UGT2B7: variants seen among roughly 807,000 people sequenced by gnomAD.
The protein encoded by UGT2B7 is UDP glucuronosyltransferase family 2 member B7.
A neutral mutation model predicts 51.9 loss-of-function variants in UGT2B7; 51 were observed. The observed-to-expected ratio is 0.98, with a 90% CI of 0.78 to 1.24. The LOEUF (loss-of-function observed/expected upper bound fraction) is 1.24, where lower values mean the gene tolerates loss of function less well. Among genes scored for constraint, UGT2B7 ranks in the 50% most tolerant of loss-of-function variants. The pLI, the probability that UGT2B7 is intolerant of heterozygous loss-of-function variation, is 0.00. For synonymous variants in UGT2B7, 225 were observed against 211.6 expected (o/e 1.06, Z -0.55); for missense variants, 727 against 628.4 (o/e 1.16, Z -1.68).
chr4:69,070,050 A>G (rs545800316), intron 1 of UGT2B7, among the ~76,000 whole-genome samples: 1 of 151,970 alleles, frequency 6.6e-6, no homozygotes, highest in South Asian at 2.1e-4. Flanking sequence ...ACATTATGTA[A>G]GGTACAATTT....
In UGT2B7 at chr4:69,112,883, A is replaced by C. The variant is rs554240518; in HGVS notation, c.*147A>C. ...AATCTTTTCAAAATTTACTTTGTCA[A>C]ATAAAAATTTGTTTTTCAGAGATTT... On this transcript the variant is annotated 3_prime_UTR_variant, in exon 6 of 6. Transcript: ENST00000305231. The C allele has an allele frequency of 7.7e-7, 1 of 1,301,602 alleles. No homozygotes were observed. The highest frequency in any genetic ancestry group is 1.5e-5 in the African/African-American group (1 of 65,850). The allele number at this position is 1,301,602 out of a possible 1,614,324, so 80.6% of individuals were successfully genotyped here.
intron 5 of UGT2B7, 41 bp downstream of exon 5, chr4:69,108,363 T>G (rs114113997): frequency 3.1e-6 from 5 of 1,601,934 alleles, no homozygotes; most frequent in Admixed American, 3.3e-5. Context: ...TATTTACAGA[T>G]AGCTTCTCTT....
chr4:69,052,569 CAAAAAAA>C (rs1204317464), intron 1 of UGT2B7, among the ~76,000 whole-genome samples: 2 of 64,712 alleles, frequency 3.1e-5, no homozygotes, highest in African/African-American at 6.2e-5. Flanking sequence ...TGGTTATCTT[CAAAAAAA>C]AAAAAAAAAA....
Position 69,102,827 on chromosome 4 carries a change from G to A in UGT2B7, c.891G>A (p.Gln297=), listed in dbSNP as rs1486178827. The A allele has an allele frequency of 6.2e-6, 10 of 1,613,128 alleles. No homozygotes were observed. ...CACAGGAAATGGAAGACTTTGTACA[G>A]AGCTCTGGAGAAAATGGTGTTGTGG... ...PLPKEMEDFV[Q]SSGENGVVVF... The change falls in exon 3 of 6, where the codon CAG becomes CAA. Residue 297 remains glutamine, a synonymous_variant. Coordinates refer to ENST00000305231, the MANE Select transcript of UGT2B7 (RefSeq NM_001074.4).
intron 2 of UGT2B7, among the ~76,000 whole-genome samples, chr4:69,090,155 T>C (rs1346419666): frequency 2.6e-5 from 4 of 152,330 alleles, no homozygotes; most frequent in Admixed American, 2.6e-4. Context: ...AGTAGTCAGT[T>C]AATTTTAACT....
At position 69,111,665 on chromosome 4, in the gene UGT2B7, A is replaced by G. The variant is rs1353270877; in HGVS notation, c.1311-792A>G. On this transcript the variant is annotated intron_variant, in intron 5 of 5. Transcript: ENST00000305231. ...ATTTCATATTGTATCAAAACATCTC[A>G]TATACCCCATAAATATATACACTTA... is the stretch of plus-strand genomic sequence containing the variant. Among the ~76,000 whole-genome samples the G allele has an allele frequency of 2.0e-5, 3 of 152,210 alleles. 1 individual carries two copies. In the South Asian group the frequency reaches 6.2e-4, roughly 32 times the overall value.
At chr4:69,089,675 T>G (rs1419486630) in intron 2 of UGT2B7, 2 of 152,240 alleles carry the variant, frequency 1.3e-5, no homozygotes, top group Non-Finnish European at 2.9e-5. Flanking sequence ...CATTTGGAAC[T>G]TGAATCTCAT....
intron 5 of UGT2B7, among the ~76,000 whole-genome samples, chr4:69,109,840 T>G (rs1240635598): frequency 6.6e-6 from 1 of 152,046 alleles, no homozygotes; most frequent in Non-Finnish European, 1.5e-5. Flanking sequence ...TAATGTTTTT[T>G]TATATAAGCA....
intron 1 of UGT2B7, among the ~76,000 whole-genome samples, chr4:69,064,052 G>GAA (rs1560499622): frequency 1.1e-5 from 1 of 93,352 alleles, no homozygotes; most frequent in East Asian, 3.1e-4. Context: ...AAGAAAGAAA[G>GAA]AAAGAAAGAA....
At chr4:69,093,164 C>T (rs774026095), upstream of UGT2B7, among the ~76,000 whole-genome samples, 10 of 152,134 alleles carry the variant, frequency 6.6e-5, no homozygotes, top group Non-Finnish European at 1.3e-4. Context: ...TGACTGGAGT[C>T]CCCTGTTGGG....
At chr4:69,060,337 C>A (rs781224277) in intron 1 of UGT2B7, among the ~76,000 whole-genome samples, 2 of 152,198 alleles carry the variant, frequency 1.3e-5, no homozygotes, top group Non-Finnish European at 2.9e-5. Flanking sequence ...ACTCCAACCA[C>A]CCGGTGACAA....
chr4:69,096,969 C>T lies in UGT2B7; in HGVS notation c.449C>T (p.Ala150Val), dbSNP rs1265300416. ...GAGTCAAGATTTGACGTCATTTTTG[C>T]AGATGCTATTTTTCCCTGTAGTGAG... is the stretch of plus-strand genomic sequence containing the variant. ...VQESRFDVIFADAIFPCSELL... is the reference protein window; with the variant it reads ...VQESRFDVIFVDAIFPCSELL... Residue 150 changes from alanine to valine, a missense_variant, in exon 1 of 6, where the codon GCA becomes GTA. Coordinates refer to ENST00000305231, the MANE Select transcript of UGT2B7 (RefSeq NM_001074.4). The T allele has an allele frequency of 1.2e-6, 2 of 1,613,456 alleles. No homozygotes were observed. Among genetic ancestry groups the T allele is most frequent in the African/African-American group, 1.3e-5 (1 of 74,868 alleles).
chr4:69,075,728 A>G lies in UGT2B7; in HGVS notation c.-158-13744A>G, dbSNP rs144060061. Among the ~76,000 whole-genome samples the G allele has an allele frequency of 6.9e-3, 1,052 of 152,220 alleles. 13 individuals are homozygous for G. Among genetic ancestry groups the G allele is most frequent in the African/African-American group, 0.024 (1,012 of 41,562 alleles). On this transcript the variant is annotated intron_variant, in intron 1 of 5. Transcript: ENST00000502942. ...CTTGCTGTTTTTCAAAATCCCCACA[A>G]TTGAGGGTAGTTTGTTATAAAGTGA...
upstream of UGT2B7, among the ~76,000 whole-genome samples, chr4:69,094,772 T>C (rs1245865802): frequency 1.3e-5 from 2 of 152,218 alleles, no homozygotes; most frequent in Non-Finnish European, 2.9e-5. Flanking sequence ...TGCAATGCTG[T>C]CAGATAGCAT....
intron 1 of UGT2B7, among the ~76,000 whole-genome samples, chr4:69,059,376 G>C (rs972504971): frequency 5.9e-5 from 9 of 152,206 alleles, no homozygotes; most frequent in African/African-American, 2.2e-4. Context: ...CTGTTCCTTT[G>C]CTGGGAAGAG....
chr4:69,101,488 T>A lies in UGT2B7; in HGVS notation c.871-1319T>A, dbSNP rs138056365. On this transcript the variant is annotated intron_variant, in intron 2 of 5. Transcript: ENST00000305231. ...ATTCCTTCAACACTGGGTGGATAAATAAGGCTCTGGGCATCAAGCTAGTGA... is the reference window on the plus strand; with the variant it reads ...ATTCCTTCAACACTGGGTGGATAAAAAAGGCTCTGGGCATCAAGCTAGTGA... Among the ~76,000 whole-genome samples, 214 of 152,106 alleles carry A rather than the reference T, an allele frequency of 1.4e-3. 1 individual carries two copies. Among genetic ancestry groups the A allele is most frequent in the African/African-American group, 5.0e-3 (206 of 41,516 alleles).
At chr4:69,070,506 T>G (rs1718578547) in intron 1 of UGT2B7, among the ~76,000 whole-genome samples, 1 of 150,296 alleles carries the variant, frequency 6.7e-6, no homozygotes, top group Non-Finnish European at 1.5e-5. Context: ...TTTTGACTAC[T>G]GAAGTAGGGG....
At chr4:69,089,418 T>C (rs1719035334) in intron 1 of UGT2B7, 1 of 152,206 alleles carries the variant, frequency 6.6e-6, no homozygotes, top group South Asian at 2.1e-4. Context: ...AAGTAAACTA[T>C]ATTATTCTAC....
chr4:69,068,318 G>A (rs1204311607), intron 1 of UGT2B7, among the ~76,000 whole-genome samples: 1 of 151,936 alleles, frequency 6.6e-6, no homozygotes, highest in Non-Finnish European at 1.5e-5. Context: ...GAAAAGAGGA[G>A]ATATTAGTAT....
Sources: allele counts gnomAD v4.1 joint callset (sites outside exome capture counted in the v4.1 genomes callset), GRCh38; gene constraint gnomAD v4.1.1; transcripts MANE v1.5; gene names NCBI Gene and HGNC (gene_info 2026-07-23, HGNC 2026-07-21).